Variants in ABCB1 observed in about 807,000 individuals in gnomAD.
ABCB1 encodes ATP binding cassette subfamily B member 1.
A neutral mutation model predicts 142.0 loss-of-function variants in ABCB1; 69 were observed. That is an observed-to-expected ratio of 0.49 (90% CI 0.40 to 0.59). ABCB1 has a LOEUF of 0.59. Among genes scored for constraint, ABCB1 ranks in the 20% least tolerant of loss-of-function variants. The probability of loss-of-function intolerance (pLI) is 0.00; values close to 1 mark genes in which losing one functional copy is unlikely to be tolerated. For missense variants in ABCB1, 1,326 were observed against 1,554.7 expected (o/e 0.85, Z 2.47); for synonymous variants, 532 against 539.2 (o/e 0.99, Z 0.18).
chr7:87,634,618 C>G (rs908113544), intron 1 of ABCB1, among the ~76,000 whole-genome samples: 7 of 149,512 alleles, frequency 4.7e-5, no homozygotes, highest in African/African-American at 1.7e-4. Flanking sequence ...AAGAGTGAGA[C>G]TCTTGTCTCA....
chr7:87,524,685 T>C (rs1815707245), intron 21 of ABCB1, among the ~76,000 whole-genome samples: 1 of 151,964 alleles, frequency 6.6e-6, no homozygotes, highest in South Asian at 2.1e-4. Context: ...TGTATACATA[T>C]GTAACTAACC....
intron 1 of ABCB1, among the ~76,000 whole-genome samples, chr7:87,616,020 C>T (rs949887277): frequency 2.0e-5 from 3 of 152,096 alleles, no homozygotes; most frequent in Non-Finnish European, 4.4e-5. Context: ...ATAGAAGGTA[C>T]AATTTATACC....
At chr7:87,508,911 G>A (rs575014769) in intron 26 of ABCB1, among the ~76,000 whole-genome samples, 1 of 152,116 alleles carries the variant, frequency 6.6e-6, no homozygotes, top group Non-Finnish European at 1.5e-5. Flanking sequence ...TCTGTACTTG[G>A]ACTTAAAGTG....
chr7:87,606,117 T>G (rs564169701), intron 1 of ABCB1, among the ~76,000 whole-genome samples: 1 of 152,018 alleles, frequency 6.6e-6, no homozygotes, highest in East Asian at 1.9e-4. Context: ...AGAGCTTATA[T>G]AAATGGATAA....
intron 27 of ABCB1, among the ~76,000 whole-genome samples, chr7:87,505,560 G>C (rs764571472): frequency 6.6e-6 from 1 of 152,160 alleles, no homozygotes; most frequent in Non-Finnish European, 1.5e-5. Context: ...AAAAGGTACA[G>C]CCAGATTTTA....
chr7:87,506,100 T>C (rs2235070), intron 26 of ABCB1, 57 bp from the exon 27 acceptor site: 24 of 1,565,342 alleles, frequency 1.5e-5, no homozygotes, highest in Middle Eastern at 3.4e-4. Flanking sequence ...TTCTAACAGC[T>C]TGCTTATAGA....
At position 87,503,358 on chromosome 7, in the gene ABCB1, A is replaced by T. The variant is rs1281350113; in HGVS notation, c.*885T>A. Among the ~76,000 whole-genome samples, 3 of 152,124 alleles carry T rather than the reference A, an allele frequency of 2.0e-5. No individual in the cohort carries two copies. The highest frequency in any genetic ancestry group is 4.8e-5 in the African/African-American group (2 of 41,426). On this transcript the variant is annotated 3_prime_UTR_variant, in exon 28 of 28. Coordinates refer to ENST00000622132, the MANE Select transcript of ABCB1 (RefSeq NM_001348946.2). Reference sequence around the variant, plus strand: ...CTTTTTTTATCATGTTTGTATCAAGATGTAGTTAAACTCATGGCACATTTT... The same window carrying T: ...CTTTTTTTATCATGTTTGTATCAAGTTGTAGTTAAACTCATGGCACATTTT...
chr7:87,530,223 C>T (rs1815975834), intron 21 of ABCB1, among the ~76,000 whole-genome samples: 2 of 152,194 alleles, frequency 1.3e-5, no homozygotes, highest in South Asian at 4.1e-4. Context: ...GTTCATCACA[C>T]ATATATCCCT....
chr7:87,603,509 A>G (rs567977371), upstream of ABCB1, among the ~76,000 whole-genome samples: 3 of 152,314 alleles, frequency 2.0e-5, no homozygotes, highest in African/African-American at 7.2e-5. Flanking sequence ...GCTCCCTGCC[A>G]CAGACTATAT....
intron 1 of ABCB1, among the ~76,000 whole-genome samples, chr7:87,642,166 A>G (rs1343056542): frequency 6.6e-6 from 1 of 151,954 alleles, no homozygotes; most frequent in African/African-American, 2.4e-5. Context: ...AAACCCAAAT[A>G]TATCTGGTTT....
intron 14 of ABCB1, among the ~76,000 whole-genome samples, chr7:87,547,417 T>C (rs1280192618): frequency 1.3e-5 from 2 of 152,178 alleles, no homozygotes; most frequent in Non-Finnish European, 2.9e-5. Context: ...AGTTTCACTA[T>C]AGATTAATAA....
At chr7:87,534,173 G>T (rs1022919574) in intron 20 of ABCB1, among the ~76,000 whole-genome samples, 2 of 152,168 alleles carry the variant, frequency 1.3e-5, no homozygotes, top group Non-Finnish European at 2.9e-5. Flanking sequence ...AATACAGAAT[G>T]CCCTGAATAC....
chr7:87,626,201 T>TGTCATATATATTGC (rs1820483070), intron 1 of ABCB1, among the ~76,000 whole-genome samples: 1 of 116,218 alleles, frequency 8.6e-6, no homozygotes, highest in Non-Finnish European at 1.9e-5. Context: ...CATATATATG[T>TGTCATATATATTGC]CATATATATG....
Position 87,509,314 on chromosome 7 carries a change from C to T in ABCB1, c.3450G>A (p.Lys1150=). Reference sequence around the variant, plus strand: ...CGATGAAGGCATGTATGTTGGCCTCCTTTGCTGCCCTCACAATCTCTTCCT... The same window carrying T: ...CGATGAAGGCATGTATGTTGGCCTCTTTTGCTGCCCTCACAATCTCTTCCT... ...VSQEEIVRAA[K]EANIHAFIES... Residue 1150 remains lysine, a synonymous_variant, in exon 26 of 28, where the codon AAG becomes AAA. Transcript: ENST00000622132. The T allele has an allele frequency of 6.2e-7, 1 of 1,614,180 alleles. No homozygotes were observed. The highest frequency in any genetic ancestry group is 8.5e-7 in the Non-Finnish European group (1 of 1,180,028).
rs957765239 is a variant in ABCB1 at position 87,515,380 on chromosome 7, G to C, written c.3133C>G (p.Pro1045Ala). ...VTFGEVVFNY[P>A]TRPDIPVLQG... ...AGCACTGGGATGTCCGGTCGGGTGG[G>C]ATAGTTGAATACAACTTCACCAAAT... The change falls in exon 25 of 28, where the codon CCC (proline) becomes GCC (alanine). Residue 1045 changes from proline to alanine, a missense_variant. Transcript: ENST00000622132. The C allele has an allele frequency of 1.2e-6, 2 of 1,614,010 alleles. No homozygotes were observed. Among genetic ancestry groups the C allele is most frequent in the Non-Finnish European group, 1.7e-6 (2 of 1,180,010 alleles).
At chr7:87,548,335 A>C (rs949049096) in intron 14 of ABCB1, among the ~76,000 whole-genome samples, 1 of 146,138 alleles carries the variant, frequency 6.8e-6, no homozygotes, top group Non-Finnish European at 1.5e-5. Context: ...GAAGAGCAAG[A>C]GAGGGAGGGA....
chr7:87,539,056 G>C (rs1816412480), intron 19 of ABCB1, among the ~76,000 whole-genome samples: 2 of 152,272 alleles, frequency 1.3e-5, no homozygotes, highest in Admixed American at 1.3e-4. Flanking sequence ...GTCTCAAACT[G>C]GTCCAGTTCC....
Position 87,503,194 on chromosome 7 carries a change from C to CT in ABCB1, c.*1048dup, listed in dbSNP as rs1279358882. Among the ~76,000 whole-genome samples the CT allele has an allele frequency of 4.0e-5, 6 of 150,864 alleles. No individual in the cohort carries two copies. The highest frequency in any genetic ancestry group is 2.0e-4 in the Admixed American group (3 of 15,162). Reference sequence around the variant, plus strand: ...TTTTTTTTCCTGGAGGTGATGGCTTCTTTTTTTTATTTTTAGAAGTTGCTT... The same window carrying CT: ...TTTTTTTTCCTGGAGGTGATGGCTTCTTTTTTTTTATTTTTAGAAGTTGCTT... On this transcript the variant is annotated 3_prime_UTR_variant, in exon 28 of 28. Transcript: ENST00000622132.
intron 1 of ABCB1, among the ~76,000 whole-genome samples, chr7:87,620,893 T>C (rs866056530): frequency 6.6e-6 from 1 of 152,122 alleles, no homozygotes; most frequent in East Asian, 1.9e-4. Context: ...TGTGTAAATA[T>C]TGCAACTATT....
Sources: gnomAD v4.1 joint callset for allele counts (sites outside exome capture counted in the v4.1 genomes callset) on GRCh38, gnomAD v4.1.1 for gene constraint, MANE v1.5 for transcripts, NCBI Gene and HGNC (gene_info 2026-07-23, HGNC 2026-07-21) for gene names.